Variants in PCGF3 observed in about 807,000 individuals in gnomAD.
PCGF3 encodes the protein polycomb group ring finger 3, also known as polycomb group RING finger protein 3.
PCGF3 carries 7 observed loss-of-function variants against 33.1 expected under a neutral mutation model. That is an observed-to-expected ratio of 0.21 (90% CI 0.12 to 0.40). PCGF3 has a LOEUF of 0.40. Among genes scored for constraint, PCGF3 ranks in the 10% least tolerant of loss-of-function variants. The pLI, the probability that PCGF3 is intolerant of heterozygous loss-of-function variation, is 1.00. For missense variants in PCGF3, 211 were observed against 313.3 expected (o/e 0.67, Z 2.46); for synonymous variants, 153 against 121.3 (o/e 1.26, Z -1.72).
chr4:733,793 C>A lies in PCGF3; in HGVS notation c.109+4C>A. 1 of 1,613,768 alleles carries A rather than the reference C, an allele frequency of 6.2e-7. No individual in the cohort carries two copies. Among genetic ancestry groups the A allele is most frequent in the Non-Finnish European group, 8.5e-7 (1 of 1,180,024 alleles). Reference sequence around the variant, plus strand: ...GTGACCGAGTGTCTGCACACCTGTACGTGCCCTGCCCGCGCCACCCAGGGA... The same window carrying A: ...GTGACCGAGTGTCTGCACACCTGTAAGTGCCCTGCCCGCGCCACCCAGGGA... On this transcript the variant is annotated splice_donor_region_variant and intron_variant, in intron 4 of 10. Coordinates refer to ENST00000362003, the Ensembl canonical transcript of PCGF3.
chr4:713,507 T>C lies in PCGF3; in HGVS notation c.-190+7537T>C, dbSNP rs1228273070. Among the ~76,000 whole-genome samples, 282 of 137,220 alleles carry C rather than the reference T, an allele frequency of 2.1e-3. 1 individual carries two copies. Among genetic ancestry groups the C allele is most frequent in the African/African-American group, 7.0e-3 (259 of 36,804 alleles). 90.0% of individuals were successfully genotyped at this position (137,220 alleles called of 152,430 possible). A position where few individuals can be genotyped will look rare whatever the true frequency, so the allele number is the denominator to read the frequency against. On this transcript the variant is annotated intron_variant, in intron 1 of 10. Coordinates refer to ENST00000362003, the Ensembl canonical transcript of PCGF3. Reference sequence around the variant, plus strand: ...TGTGGCCTGGTGGGGGCTGTGGCCTTGTGGGTCCTGTGTGGCCTCATGGGT... The same window carrying C: ...TGTGGCCTGGTGGGGGCTGTGGCCTCGTGGGTCCTGTGTGGCCTCATGGGT...
At chr4:766,228 TCAA>T (rs931188741) in exon 11 of PCGF3, 28 of 630,242 alleles carry the variant, frequency 4.4e-5, no homozygotes, top group Middle Eastern at 2.6e-4. Context: ...GAATTCACAC[TCAA>T]CAAGACACTA....
intron 10 of PCGF3, among the ~76,000 whole-genome samples, chr4:765,500 AATC>A (rs569828851): frequency 7.9e-4 from 120 of 152,216 alleles, no homozygotes; most frequent in Middle Eastern, 6.9e-3. Flanking sequence ...GTCTTTCTGA[AATC>A]ATCAACCCCA....
At chr4:766,660 A>G (rs1745390418) in exon 11 of PCGF3, 1 of 151,982 alleles carries the variant, frequency 6.6e-6, no homozygotes. Flanking sequence ...TTCCCACCTT[A>G]TGAAACACAA....
At chr4:718,812 CTT>C (rs1184994028) in intron 1 of PCGF3, among the ~76,000 whole-genome samples, 1 of 152,194 alleles carries the variant, frequency 6.6e-6, no homozygotes, top group African/African-American at 2.4e-5. Flanking sequence ...GGGGAGGCAA[CTT>C]TACTGCCTGG....
At position 753,553 on chromosome 4, in the gene PCGF3, T is replaced by G. The variant is rs536626329; in HGVS notation, c.463-7726T>G. 4.0e-5 allele frequency among the ~76,000 whole-genome samples: 6 copies of G among 148,862 alleles called. No homozygotes were observed. The East Asian group carries it at 6.0e-4, about 15-fold the overall frequency. Reference sequence around the variant, plus strand: ...CCTGTACTCGGAGGCTGAGGCAGGATAATGGCGTAAACCCGGGAGGCAGAG... The same window carrying G: ...CCTGTACTCGGAGGCTGAGGCAGGAGAATGGCGTAAACCCGGGAGGCAGAG... On this transcript the variant is annotated intron_variant, in intron 8 of 10. Coordinates refer to ENST00000362003, the Ensembl canonical transcript of PCGF3.
intron 8 of PCGF3, among the ~76,000 whole-genome samples, chr4:747,730 G>A (rs1447166959): frequency 6.6e-6 from 1 of 152,112 alleles, no homozygotes; most frequent in Non-Finnish European, 1.5e-5. Context: ...CGGGCCTCCG[G>A]GACACTCCTG....
intron 5 of PCGF3, among the ~76,000 whole-genome samples, chr4:735,773 A>AG (rs1158893843): frequency 6.6e-6 from 1 of 152,202 alleles, no homozygotes; most frequent in Non-Finnish European, 1.5e-5. Context: ...TCTTCTGCCC[A>AG]GGGTCACAGC....
At chr4:715,973 A>T (rs75125924) in intron 1 of PCGF3, among the ~76,000 whole-genome samples, 2,130 of 21,464 alleles carry the variant, frequency 0.099, 39 homozygotes, top group Non-Finnish European at 0.11. Context: ...TGGGACCCTG[A>T]AGACACTGAG....
intron 8 of PCGF3, 134 bp from the exon 9 acceptor site, chr4:761,145 G>A (rs1745032994): frequency 3.4e-6 from 2 of 585,920 alleles, no homozygotes; most frequent in Non-Finnish European, 2.8e-6. Context: ...CAGTGTTGAA[G>A]TCAAAGCAGA....
In PCGF3 at chr4:719,461, G is replaced by A. The variant is rs552482914; in HGVS notation, c.-189-11169G>A. Among the ~76,000 whole-genome samples the A allele has an allele frequency of 3.9e-5, 6 of 152,348 alleles. No homozygotes were observed. In the East Asian group the frequency reaches 7.7e-4, roughly 20 times the overall value. ...CGCAGCTCAGGAACATGGTGGTGCC[G>A]GAGAGTGGTTTGTGTCTGTTCCTCC... On this transcript the variant is annotated intron_variant, in intron 1 of 10. Transcript: ENST00000362003.
chr4:748,515 C>T (rs1446162491), intron 8 of PCGF3, among the ~76,000 whole-genome samples: 2 of 152,294 alleles, frequency 1.3e-5, no homozygotes, highest in Admixed American at 6.5e-5. Flanking sequence ...TTTTAGTTTA[C>T]ATTTACACGT....
chr4:743,560 C>G, exon 7 of PCGF3: 1 of 1,610,210 alleles, frequency 6.2e-7, no homozygotes, highest in Non-Finnish European at 8.5e-7. Context: ...CTCTGCAAAA[C>G]AGCACTTAGA....
chr4:716,255 T>C (rs1257943801), intron 1 of PCGF3, among the ~76,000 whole-genome samples: 1 of 128,374 alleles, frequency 7.8e-6, no homozygotes, highest in African/African-American at 2.9e-5. Flanking sequence ...GTGTGAGAAC[T>C]GGGCGTCGGT....
At chr4:709,944 A>G (rs1742495906) in intron 1 of PCGF3, among the ~76,000 whole-genome samples, 1 of 152,008 alleles carries the variant, frequency 6.6e-6, no homozygotes. Context: ...TGTTTTTTAA[A>G]CTTCATTTGC....
rs916181687 is a variant in PCGF3 at position 720,967 on chromosome 4, G to C, written c.-189-9663G>C. Among the ~76,000 whole-genome samples the C allele has an allele frequency of 2.0e-5, 3 of 152,146 alleles. No individual in the cohort carries two copies. The highest frequency in any genetic ancestry group is 7.2e-5 in the African/African-American group (3 of 41,426). On this transcript the variant is annotated intron_variant, in intron 1 of 10. Coordinates refer to ENST00000362003, the Ensembl canonical transcript of PCGF3. This position sits in a 1 kb window ranked among gnomAD's most constrained non-coding sequence, Gnocchi z 5.6. ...GGACGGGAGCTCTGGCATGGTCCAG[G>C]GAGTGGCCGAGGACAGCAAGGAGGA...
intron 8 of PCGF3, among the ~76,000 whole-genome samples, chr4:755,338 G>A (rs1744721126): frequency 6.6e-6 from 1 of 152,136 alleles, no homozygotes; most frequent in South Asian, 2.1e-4. Flanking sequence ...GGGGTGTCCA[G>A]CGACTCATCG....
chr4:708,421 C>G (rs935400783), intron 1 of PCGF3, among the ~76,000 whole-genome samples: 6 of 152,124 alleles, frequency 3.9e-5, no homozygotes, highest in Non-Finnish European at 2.9e-5. Context: ...CCAGTCCACT[C>G]AGCTGGATGC....
At chr4:748,330 G>A (rs1744360908) in intron 8 of PCGF3, among the ~76,000 whole-genome samples, 1 of 151,974 alleles carries the variant, frequency 6.6e-6, no homozygotes, top group South Asian at 2.1e-4. Context: ...CTCCCGAGTA[G>A]CTGGGACTAC....
Sources: gnomAD v4.1 joint callset for allele counts (sites outside exome capture counted in the v4.1 genomes callset) on GRCh38, gnomAD v4.1.1 for gene constraint, Gnocchi (gnomAD v3.1) non-coding constraint, MANE v1.5 for transcripts, NCBI Gene and HGNC (gene_info 2026-07-23, HGNC 2026-07-21) for gene names.